The following ANKRD46 variants were observed in gnomAD, a reference collection of about 807,000 sequenced individuals.
ANKRD46 encodes the protein ankyrin repeat domain 46, also known as ankyrin repeat domain-containing protein 46.
In ANKRD46, 13 loss-of-function variants were observed where a neutral mutation model predicts 19.8. That is an observed-to-expected ratio of 0.66 (90% confidence interval 0.43 to 1.04). The LOEUF is 1.04. ANKRD46 is among the 50% of genes least tolerant of loss of function. ANKRD46 has a pLI of 0.00. For missense variants in ANKRD46, 185 were observed against 274.8 expected, an observed-to-expected ratio of 0.67 and a Z score of 2.31; for synonymous variants, 91 against 106.9, an observed-to-expected ratio of 0.85 and a Z score of 0.92.
At chr8:100,553,467 C>T (rs939143021) in intron 1 of ANKRD46, among the ~76,000 whole-genome samples, 40 of 152,074 alleles carry the variant, frequency 2.6e-4, no homozygotes, top group African/African-American at 8.7e-4. Context: ...ATTAAACTTA[C>T]GCAGGCTGGG....
At chr8:100,541,661 G>A (rs533594877) in intron 1 of ANKRD46, among the ~76,000 whole-genome samples, 18 of 152,236 alleles carry the variant, frequency 1.2e-4, no homozygotes, top group African/African-American at 4.1e-4. Flanking sequence ...AGACCAGAAA[G>A]GCTGTAACTT....
chr8:100,551,316 C>T (rs537957063), intron 1 of ANKRD46: 23 of 543,662 alleles, frequency 4.2e-5, no homozygotes, highest in Non-Finnish European at 7.6e-5. Flanking sequence ...AGGGATCATG[C>T]CCATTATGAA....
chr8:100,542,877 A>G (rs1812201054), intron 1 of ANKRD46, among the ~76,000 whole-genome samples: 1 of 152,138 alleles, frequency 6.6e-6, no homozygotes, highest in African/African-American at 2.4e-5. Flanking sequence ...TAACTCCTTC[A>G]GCAGAGTAAT....
rs1586796658 is a variant in ANKRD46, at chr8:100,543,059, T to C, written c.-130-9748A>G. Among the ~76,000 whole-genome samples the C allele has an allele frequency of 6.6e-6, 1 of 152,140 alleles. No homozygotes were observed. Among genetic ancestry groups the C allele is most frequent in the South Asian group, 2.1e-4 (1 of 4,828 alleles). On this transcript the variant is annotated intron_variant, in intron 1 of 4. Coordinates refer to ENST00000335659, the MANE Select transcript of ANKRD46 (RefSeq NM_001270377.2). The surrounding 1 kb of genome is among the most constrained non-coding windows in gnomAD (Gnocchi z 4.2). Reference sequence around the variant, plus strand: ...ACGGGAAAAGAAGATGACAAGTTCCTATATCAGTTTCCCATGGAGCTATTT... The same window carrying C: ...ACGGGAAAAGAAGATGACAAGTTCCCATATCAGTTTCCCATGGAGCTATTT...
intron 4 of ANKRD46, among the ~76,000 whole-genome samples, chr8:100,523,078 G>A (rs145447320): frequency 6.6e-6 from 1 of 151,914 alleles, no homozygotes; most frequent in East Asian, 1.9e-4. Context: ...CTGTAATCCC[G>A]ACACTTTTGC....
In ANKRD46 at chr8:100,532,946, G is replaced by C. The variant is rs1403955902; in HGVS notation, c.-28+263C>G. 6.6e-6 allele frequency among the ~76,000 whole-genome samples: 1 copy of C among 152,176 alleles called. No homozygotes were observed. The highest frequency in any genetic ancestry group is 1.5e-5 in the Non-Finnish European group (1 of 68,020). On this transcript the variant is annotated intron_variant, in intron 2 of 4. Coordinates refer to ENST00000335659, the MANE Select transcript of ANKRD46 (RefSeq NM_001270377.2). This position sits in a 1 kb window ranked among gnomAD's most constrained non-coding sequence, Gnocchi z 4.7. ...GGTGTTTTTGATTCAGACACAGTAA[G>C]AATTCTTGTGGTTTGCAGACTAGGA...
At chr8:100,512,859 T>TC (rs1466851152) in intron 5 of ANKRD46, among the ~76,000 whole-genome samples, 16 of 152,340 alleles carry the variant, frequency 1.1e-4, no homozygotes, top group African/African-American at 3.6e-4. Context: ...GGTTAAAACG[T>TC]ATACACTTCC....
Position 100,527,896 on chromosome 8 carries a change from T to C in ANKRD46, c.419A>G (p.Asn140Ser). 1 of 1,613,852 alleles carries C rather than the reference T, an allele frequency of 6.2e-7. No homozygotes were observed. Among genetic ancestry groups the C allele is most frequent in the Non-Finnish European group, 8.5e-7 (1 of 1,179,942 alleles). Residue 140 changes from asparagine to serine, a missense_variant, in exon 4 of 5, where the codon AAC (asparagine) becomes AGC (serine). Transcript: ENST00000335659. This position sits in a 1 kb window ranked among gnomAD's most constrained non-coding sequence, Gnocchi z 4.0. ...CTCCAGTTTCGAGTGGGTTCCTCTG[T>C]TAAATCCTTTCACCTCCTGTTCTTC... Reference protein sequence around the residue: ...SLEEQEVKGFNRGTHSKLETM... With the variant: ...SLEEQEVKGFSRGTHSKLETM...
chr8:100,541,524 C>A (rs1349129217), intron 1 of ANKRD46, among the ~76,000 whole-genome samples: 1 of 152,178 alleles, frequency 6.6e-6, no homozygotes, highest in African/African-American at 2.4e-5. Context: ...GGTGCCTACA[C>A]AAGCCTAGAG....
chr8:100,521,597 G>C lies in ANKRD46; in HGVS notation c.*958C>G, dbSNP rs1188890366. ...CCATCAGAGAATTACAGATATGGAT[G>C]GGATTGTTAAAAGTCTAACAGGGCC... On this transcript the variant is annotated 3_prime_UTR_variant, in exon 5 of 5. Transcript: ENST00000335659. 1 of 985,302 alleles carries C rather than the reference G, an allele frequency of 1.0e-6. No individual in the cohort carries two copies. The highest frequency in any genetic ancestry group is 1.1e-4 in the East Asian group (1 of 8,830). 61.0% of individuals were successfully genotyped at this position (985,302 alleles called of 1,614,324 possible).
rs115169208 is a variant in ANKRD46 at position 100,546,666 on chromosome 8, T to C, written c.-131+13045A>G. Among the ~76,000 whole-genome samples the C allele has an allele frequency of 0.012, 1,887 of 152,242 alleles. 44 individuals are homozygous for C. Among genetic ancestry groups the C allele is most frequent in the African/African-American group, 0.043 (1,784 of 41,538 alleles). On this transcript the variant is annotated intron_variant, in intron 1 of 4. Coordinates refer to ENST00000335659, the MANE Select transcript of ANKRD46 (RefSeq NM_001270377.2). The surrounding 1 kb of genome is among the most constrained non-coding windows in gnomAD (Gnocchi z 4.0). The stretch of plus-strand genomic sequence containing the variant: ...ACTGGAGTGCTGCCTAGTGGAGCTA[T>C]GAGAAAAGGGCCACTGTCCTCCAGA...
At chr8:100,533,725 G>A (rs1368332366) in intron 1 of ANKRD46, among the ~76,000 whole-genome samples, 3 of 152,012 alleles carry the variant, frequency 2.0e-5, no homozygotes, top group African/African-American at 7.3e-5. Flanking sequence ...ATTCATAGTG[G>A]GAAAAAATAA....
At chr8:100,547,250 G>A (rs988333203) in intron 1 of ANKRD46, among the ~76,000 whole-genome samples, 2 of 152,140 alleles carry the variant, frequency 1.3e-5, no homozygotes, top group African/African-American at 4.8e-5. Context: ...CGCATGTCAA[G>A]GGAGGGACCT....
chr8:100,510,396 G>A lies in ANKRD46; in HGVS notation c.*181C>T. 1 of 506,526 alleles carries A rather than the reference G, an allele frequency of 2.0e-6. No homozygotes were observed. The highest frequency in any genetic ancestry group is 3.4e-6 in the Non-Finnish European group (1 of 296,736). The allele number at this position is 506,526 out of a possible 1,614,324, so 31.4% of individuals were successfully genotyped here. ...AGGTGCCCGGGCTGCCTGCAGGGCA[G>A]GACTGGAGAGGAGGGGACAGGTGGT... On this transcript the variant is annotated 3_prime_UTR_variant, in exon 6 of 6. Transcript: ENST00000520552. The surrounding 1 kb of genome is among the most constrained non-coding windows in gnomAD (Gnocchi z 4.9).
chr8:100,547,862 C>T lies in ANKRD46; in HGVS notation c.-131+11849G>A, dbSNP rs16898557. ...CTTTCACTCTTAATTTGTGCCCTAA[C>T]GAACAATTTTATACATGAAGTTTTC... On this transcript the variant is annotated intron_variant, in intron 1 of 4. Transcript: ENST00000335659. Among the ~76,000 whole-genome samples the T allele has an allele frequency of 8.0e-3, 1,212 of 152,288 alleles. 18 individuals carry two copies. Among genetic ancestry groups the T allele is most frequent in the African/African-American group, 0.026 (1,073 of 41,558 alleles).
chr8:100,519,528 T>C (rs1043913488), downstream of ANKRD46, among the ~76,000 whole-genome samples: 18 of 152,218 alleles, frequency 1.2e-4, no homozygotes, highest in African/African-American at 4.1e-4. Context: ...ACATTTCCTA[T>C]GGGGTAAGCC....
chr8:100,549,050 G>GAAAAAAA (rs553298677), intron 1 of ANKRD46, among the ~76,000 whole-genome samples: 1 of 140,596 alleles, frequency 7.1e-6, no homozygotes, highest in Non-Finnish European at 1.6e-5. Context: ...ACCCAGAAAT[G>GAAAAAAA]AAAAAAAAAA....
At position 100,536,263 on chromosome 8, in the gene ANKRD46, T is replaced by C. The variant is rs1812063476; in HGVS notation, c.-130-2952A>G. 6.6e-6 allele frequency among the ~76,000 whole-genome samples: 1 copy of C among 152,092 alleles called. No individual in the cohort carries two copies. ...CTAAGTAAACATAATGAAGCCTGCT[T>C]GGAGAGGTGGGAAAAGTAGCGGGGA... On this transcript the variant is annotated intron_variant, in intron 1 of 4. Transcript: ENST00000335659. This position sits in a 1 kb window ranked among gnomAD's most constrained non-coding sequence, Gnocchi z 4.9.
chr8:100,526,225 T>C (rs1190112797), intron 4 of ANKRD46, among the ~76,000 whole-genome samples: 2 of 152,200 alleles, frequency 1.3e-5, no homozygotes, highest in Non-Finnish European at 2.9e-5. Context: ...TTTGTACTTA[T>C]CACTTCTTAG....
Sources: allele counts gnomAD v4.1 joint callset (sites outside exome capture counted in the v4.1 genomes callset), GRCh38; gene constraint gnomAD v4.1.1; non-coding constraint Gnocchi (gnomAD v3.1); transcripts MANE v1.5; gene names NCBI Gene and HGNC (gene_info 2026-07-23, HGNC 2026-07-21).